Variants in SHTN1 observed in about 807,000 individuals in gnomAD.
The protein encoded by SHTN1 is shootin 1.
In SHTN1, 42 loss-of-function variants were observed where a neutral mutation model predicts 83.1. The ratio of observed to expected loss-of-function variants is 0.51; its 90% CI spans 0.39 to 0.65. The LOEUF is 0.65. SHTN1 is among the 30% of genes least tolerant of loss of function. The pLI is 0.00. For missense variants in SHTN1, 622 were observed against 737.8 expected (o/e 0.84, Z 1.82); for synonymous variants, 224 against 247.7 (o/e 0.90, Z 0.90).
At chr10:117,076,182 CAAAA>C (rs10595400) in intron 1 of SHTN1, among the ~76,000 whole-genome samples, 27 of 99,424 alleles carry the variant, frequency 2.7e-4, no homozygotes, top group African/African-American at 5.6e-4. Context: ...GACCCTGTCT[CAAAA>C]AAAAAAAAAA....
chr10:117,110,793 G>C (rs776093556), intron 1 of SHTN1, among the ~76,000 whole-genome samples: 1 of 152,092 alleles, frequency 6.6e-6, no homozygotes, highest in Non-Finnish European at 1.5e-5. Flanking sequence ...GCCATACTAT[G>C]TACCAGGCAC....
chr10:117,049,513 C>T (rs1267199222), intron 1 of SHTN1, among the ~76,000 whole-genome samples: 1 of 152,138 alleles, frequency 6.6e-6, no homozygotes, highest in Admixed American at 6.5e-5. Context: ...CAGACAGAGC[C>T]ATAAAGAGAA....
At chr10:116,947,307 C>A (rs1849631026) in intron 7 of SHTN1, among the ~76,000 whole-genome samples, 1 of 152,124 alleles carries the variant, frequency 6.6e-6, no homozygotes, top group South Asian at 2.1e-4. Flanking sequence ...TGGTGAGTCA[C>A]CTCCACCCTG....
chr10:117,039,434 A>G (rs948832155), intron 2 of SHTN1, among the ~76,000 whole-genome samples: 1 of 152,198 alleles, frequency 6.6e-6, no homozygotes, highest in Non-Finnish European at 1.5e-5. Context: ...GTCCAAACCC[A>G]TAGGCTCTAC....
intron 2 of SHTN1, among the ~76,000 whole-genome samples, chr10:117,015,755 A>G (rs983945736): frequency 1.3e-5 from 2 of 152,212 alleles, no homozygotes; most frequent in Non-Finnish European, 2.9e-5. Context: ...GTAGGAAAAA[A>G]TGTTCCTGTT....
chr10:116,903,509 G>C (rs1847832885), intron 15 of SHTN1, among the ~76,000 whole-genome samples: 1 of 151,804 alleles, frequency 6.6e-6, no homozygotes, highest in Non-Finnish European at 1.5e-5. Context: ...TGGGCGACAA[G>C]AGAGACTTCA....
intron 16 of SHTN1, among the ~76,000 whole-genome samples, chr10:116,894,843 G>C (rs1847458985): frequency 6.6e-6 from 1 of 152,158 alleles, no homozygotes; most frequent in Non-Finnish European, 1.5e-5. Context: ...GATGGTTTCA[G>C]GGGAGAAAAG....
intron 14 of SHTN1, 44 bp downstream of exon 14, chr10:116,911,742 CCTTT>C: frequency 6.4e-7 from 1 of 1,571,578 alleles, no homozygotes. Flanking sequence ...AAAATACTCT[CCTTT>C]CATTTCCCCA....
chr10:117,027,395 TC>T (rs1314194340), intron 2 of SHTN1, among the ~76,000 whole-genome samples: 8 of 152,172 alleles, frequency 5.3e-5, no homozygotes, highest in African/African-American at 1.9e-4. Flanking sequence ...CACTGAGGCC[TC>T]CCCAGAAGCT....
chr10:116,903,473 C>A (rs1011833789), intron 15 of SHTN1, among the ~76,000 whole-genome samples: 7 of 151,646 alleles, frequency 4.6e-5, no homozygotes, highest in Admixed American at 3.9e-4. Context: ...TGCAGTGAGC[C>A]GAGATCACGC....
intron 2 of SHTN1, among the ~76,000 whole-genome samples, chr10:116,972,558 G>C (rs527308616): frequency 3.9e-5 from 6 of 152,150 alleles, no homozygotes; most frequent in African/African-American, 1.4e-4. Flanking sequence ...CCAGGATAAC[G>C]GGCCTTTTTG....
intron 1 of SHTN1, among the ~76,000 whole-genome samples, chr10:116,981,011 T>C (rs1432509458): frequency 6.6e-6 from 1 of 152,192 alleles, no homozygotes; most frequent in East Asian, 1.9e-4. Flanking sequence ...TGTAAAGATA[T>C]AGTTCTGAAA....
intron 1 of SHTN1, among the ~76,000 whole-genome samples, chr10:116,992,053 GA>G (rs1851455048): frequency 6.6e-6 from 1 of 152,034 alleles, no homozygotes; most frequent in Non-Finnish European, 1.5e-5. Context: ...GAGGTGGGAG[GA>G]TGGTTGGAGC....
intron 1 of SHTN1, among the ~76,000 whole-genome samples, chr10:117,118,189 A>G (rs1853875058): frequency 6.6e-6 from 1 of 152,112 alleles, no homozygotes; most frequent in African/African-American, 2.4e-5. Context: ...AAACAACTCA[A>G]TAGGAAAACA....
At chr10:117,121,125 G>A (rs563443081) in intron 1 of SHTN1, among the ~76,000 whole-genome samples, 142 of 152,092 alleles carry the variant, frequency 9.3e-4, no homozygotes, top group African/African-American at 3.3e-3. Flanking sequence ...TTATATAAAT[G>A]TATTAAATTA....
chr10:116,925,851 C>G (rs572874393), intron 11 of SHTN1, among the ~76,000 whole-genome samples: 1 of 151,024 alleles, frequency 6.6e-6, no homozygotes, highest in African/African-American at 2.4e-5. Context: ...CTTTTTTTTT[C>G]TTCCCACTTT....
chr10:117,006,652 C>T (rs747345128), upstream of SHTN1, among the ~76,000 whole-genome samples: 5 of 151,700 alleles, frequency 3.3e-5, no homozygotes, highest in African/African-American at 9.7e-5. Flanking sequence ...TTCTTTTACA[C>T]TGATCATTAA....
chr10:117,057,655 G>A (rs1012208431), intron 1 of SHTN1, among the ~76,000 whole-genome samples: 1 of 152,136 alleles, frequency 6.6e-6, no homozygotes, highest in African/African-American at 2.4e-5. Flanking sequence ...GACTCTGCAT[G>A]CTCAAGGGAA....
chr10:117,064,836 A>T (rs934811217), intron 1 of SHTN1, among the ~76,000 whole-genome samples: 1 of 152,146 alleles, frequency 6.6e-6, no homozygotes, highest in African/African-American at 2.4e-5. Flanking sequence ...CGTTAGCCTC[A>T]TTAGGAGTCT....
Sources: allele counts gnomAD v4.1 joint callset (sites outside exome capture counted in the v4.1 genomes callset), GRCh38; gene constraint gnomAD v4.1.1; transcripts MANE v1.5; gene names NCBI Gene and HGNC (gene_info 2026-07-23, HGNC 2026-07-21).